LRBA: variants seen among roughly 807,000 people sequenced by gnomAD.
LRBA encodes lipopolysaccharide-responsive and beige-like anchor protein.
In LRBA, 176 loss-of-function variants were observed where a neutral mutation model predicts 330.0. That is an observed-to-expected ratio of 0.53 (90% CI 0.47 to 0.60). The LOEUF is 0.60. Ranked by LOEUF, LRBA falls within the 20% of genes least tolerant of loss-of-function variation. The pLI is 0.00. For missense variants in LRBA, 3,259 were observed against 3,444.8 expected (o/e 0.95, Z 1.35); for synonymous variants, 1,230 against 1,193.0 (o/e 1.03, Z -0.64).
At chr4:150,966,834 A>C (rs1406299704) in intron 2 of LRBA, among the ~76,000 whole-genome samples, 1 of 152,186 alleles carries the variant, frequency 6.6e-6, no homozygotes, top group Non-Finnish European at 1.5e-5. Flanking sequence ...GCATAAACAA[A>C]TGGAAGTTCA....
At chr4:150,765,507 G>A (rs1383775673) in intron 34 of LRBA, among the ~76,000 whole-genome samples, 1 of 151,852 alleles carries the variant, frequency 6.6e-6, no homozygotes, top group Non-Finnish European at 1.5e-5. Context: ...GTGTGTAGGG[G>A]AAAGGGAAAT....
intron 47 of LRBA, among the ~76,000 whole-genome samples, chr4:150,384,131 C>T (rs186940603): frequency 2.2e-4 from 33 of 152,062 alleles, no homozygotes; most frequent in African/African-American, 7.5e-4. Flanking sequence ...CTCCATCTCC[C>T]GGGTTCAAGC....
At chr4:150,274,374 C>A (rs1746496847) in intron 56 of LRBA, among the ~76,000 whole-genome samples, 1 of 152,138 alleles carries the variant, frequency 6.6e-6, no homozygotes, top group African/African-American at 2.4e-5. Context: ...TTAAAATCAA[C>A]ACCCTAACAT....
In LRBA at chr4:150,643,515, T is replaced by C. The variant is rs530573864; in HGVS notation, c.5921+40036A>G. The stretch of plus-strand genomic sequence containing the variant: ...AGAGGATATGTAAGCTATATTGACA[T>C]TTGGACAAAAATGCTGCATGCATGA... On this transcript the variant is annotated intron_variant, in intron 37 of 56. Coordinates refer to ENST00000651943, the MANE Select transcript of LRBA (RefSeq NM_001364905.1). Among the ~76,000 whole-genome samples the C allele has an allele frequency of 6.6e-5, 10 of 151,970 alleles. No homozygotes were observed. In the South Asian group the frequency reaches 2.1e-3, roughly 32 times the overall value.
Position 150,831,879 on chromosome 4 carries a change from T to C in LRBA, c.4667A>G (p.Asn1556Ser). Residue 1556 changes from asparagine (N) to serine (S), a missense_variant, in exon 29 of 57, where the codon AAT becomes AGT. By Grantham distance (46) the Asn-to-Ser change is conservative (BLOSUM62 1). Transcript: ENST00000651943. ...SKYRDILEPQ[N>S]ERHSQSCTET... is the part of the protein sequence containing the mutation. ...TGTACATGACTGGCTATGCCTTTCA[T>C]TTTGGGGTTCCAAAATGTCTCTGTA... 1 of 1,605,478 alleles carries C rather than the reference T, an allele frequency of 6.2e-7. No homozygotes were observed. Among genetic ancestry groups the C allele is most frequent in the Non-Finnish European group, 8.5e-7 (1 of 1,175,782 alleles).
chr4:150,467,209 T>C (rs987081774), intron 44 of LRBA, among the ~76,000 whole-genome samples: 22 of 152,156 alleles, frequency 1.4e-4, no homozygotes, highest in Admixed American at 6.6e-5. Flanking sequence ...AGATACTTTT[T>C]TAATAGTCAG....
chr4:150,584,263 CAAAA>C, intron 40 of LRBA: 1 of 806,412 alleles, frequency 1.2e-6, no homozygotes, highest in Non-Finnish European at 1.8e-6. Context: ...AAGAAGCAAA[CAAAA>C]AGAGAGCAAC....
intron 2 of LRBA, among the ~76,000 whole-genome samples, chr4:150,946,761 G>A (rs1354924517): frequency 6.6e-6 from 1 of 151,952 alleles, no homozygotes; most frequent in Non-Finnish European, 1.5e-5. Flanking sequence ...AGTCAGTGAA[G>A]TAGAAAGTAG....
chr4:150,454,004 G>A (rs2884894), intron 44 of LRBA, among the ~76,000 whole-genome samples: 3 of 151,956 alleles, frequency 2.0e-5, no homozygotes, highest in African/African-American at 7.3e-5. Context: ...CACTGTTACC[G>A]AGGCTGGAGG....
intron 56 of LRBA, among the ~76,000 whole-genome samples, chr4:150,275,643 A>C (rs1438676057): frequency 1.3e-5 from 2 of 152,192 alleles, no homozygotes; most frequent in Admixed American, 1.3e-4. Flanking sequence ...AATAACAGAC[A>C]AACAGCCAAA....
intron 48 of LRBA, among the ~76,000 whole-genome samples, chr4:150,337,885 T>A (rs1016466616): frequency 2.6e-5 from 4 of 152,142 alleles, no homozygotes; most frequent in Admixed American, 6.5e-5. Context: ...TAAATACTAA[T>A]TGTGTTTATG....
chr4:150,862,896 T>G (rs1387734057), intron 22 of LRBA, among the ~76,000 whole-genome samples: 1 of 151,910 alleles, frequency 6.6e-6, no homozygotes, highest in Non-Finnish European at 1.5e-5. Flanking sequence ...GGAGAATCGC[T>G]TGAACCCAGG....
chr4:150,443,221 G>A (rs953918301), intron 44 of LRBA, among the ~76,000 whole-genome samples: 6 of 152,136 alleles, frequency 3.9e-5, no homozygotes, highest in Non-Finnish European at 7.3e-5. Context: ...AGGATGTAGA[G>A]AAATAGGAAT....
At chr4:150,953,216 A>T (rs2149547954) in intron 2 of LRBA, among the ~76,000 whole-genome samples, 1 of 152,378 alleles carries the variant, frequency 6.6e-6, no homozygotes. Flanking sequence ...CAGAAGATCA[A>T]CATGAAAAAC....
chr4:150,740,377 T>C (rs1731780651), intron 35 of LRBA, among the ~76,000 whole-genome samples: 1 of 151,954 alleles, frequency 6.6e-6, no homozygotes, highest in Admixed American at 6.6e-5. Flanking sequence ...AAATACACTT[T>C]AGAAGATAAA....
chr4:150,270,710 G>GTGAC (rs1451846912), intron 56 of LRBA, among the ~76,000 whole-genome samples: 1 of 152,154 alleles, frequency 6.6e-6, no homozygotes, highest in Non-Finnish European at 1.5e-5. Flanking sequence ...ACAAAAATGA[G>GTGAC]TGACTATACG....
Position 150,265,691 on chromosome 4 carries a change from TA to T in LRBA, c.*30del. 7.1e-7 allele frequency: 1 copy of T among 1,403,552 alleles called. No individual in the cohort carries two copies. The highest frequency in any genetic ancestry group is 1.0e-6 in the Non-Finnish European group (1 of 987,778). 86.9% of individuals were successfully genotyped at this position (1,403,552 alleles called of 1,614,324 possible). On this transcript the variant is annotated 3_prime_UTR_variant, in exon 57 of 57. Coordinates refer to ENST00000651943, the MANE Select transcript of LRBA (RefSeq NM_001364905.1). ...ATGCTCCAGGTACTTCTGCTCATCCTAGGGGCAGAGTTGATGTACAGCTGTC... is the reference window on the plus strand; with the variant it reads ...ATGCTCCAGGTACTTCTGCTCATCCTGGGGCAGAGTTGATGTACAGCTGTC...
intron 35 of LRBA, among the ~76,000 whole-genome samples, chr4:150,748,702 T>G (rs2126364450): frequency 6.6e-6 from 1 of 152,078 alleles, no homozygotes; most frequent in East Asian, 1.9e-4. Context: ...AATTGGATGC[T>G]TGTTGATATG....
intron 56 of LRBA, among the ~76,000 whole-genome samples, chr4:150,274,334 G>A (rs111822084): frequency 7.2e-5 from 11 of 152,192 alleles, no homozygotes; most frequent in Admixed American, 3.9e-4. Context: ...TTTATAGTAC[G>A]TAATGCCCAC....
Sources: gnomAD v4.1 joint callset for allele counts (sites outside exome capture counted in the v4.1 genomes callset) on GRCh38, gnomAD v4.1.1 for gene constraint, MANE v1.5 for transcripts, NCBI Gene and HGNC (gene_info 2026-07-23, HGNC 2026-07-21) for gene names.